The following HERC4 variants were observed in gnomAD, a reference collection of about 807,000 sequenced individuals.
The protein encoded by HERC4 is HECT and RLD domain containing E3 ubiquitin protein ligase 4.
A neutral mutation model predicts 124.3 loss-of-function variants in HERC4; 28 were observed. The observed-to-expected ratio is 0.23, with a 90% confidence interval of 0.17 to 0.31. The LOEUF (loss-of-function observed/expected upper bound fraction) is 0.31. HERC4 is among the 10% of genes least tolerant of loss of function. The pLI is 1.00. For synonymous variants in HERC4, 407 were observed against 421.5 expected (o/e 0.97, Z 0.42); for missense variants, 713 against 1,229.3 (o/e 0.58, Z 6.28).
At position 68,068,854 on chromosome 10, in the gene HERC4, A is replaced by AAG. The variant is rs2041430809; in HGVS notation, c.226+4028_226+4029insCT. 4.3e-5 allele frequency: 7 copies of AAG among 161,840 alleles called. 1 individual carries two copies. In the Admixed American group the frequency reaches 4.6e-4, roughly 11 times the overall value. 10.0% of individuals were successfully genotyped at this position (161,840 alleles called of 1,614,324 possible). A position where few individuals can be genotyped will look rare whatever the true frequency, so the allele number is the denominator to read the frequency against. ...AGCCAAGTGACCCTATTAGTCTCTT[A>AAG]ATCTCTTTTAACCTCAGTGTCCTCA... On this transcript the variant is annotated intron_variant, in intron 3 of 24. Coordinates refer to ENST00000373700, the MANE Select transcript of HERC4 (RefSeq NM_015601.4).
intron 1 of HERC4, chr10:68,074,003 A>T (rs545781096): frequency 1.3e-5 from 2 of 152,316 alleles, no homozygotes; most frequent in East Asian, 1.9e-4. Flanking sequence ...TGGGCAATCT[A>T]TATCTATCTA....
chr10:67,972,348 C>T (rs570360986), intron 15 of HERC4, among the ~76,000 whole-genome samples: 1 of 150,526 alleles, frequency 6.6e-6, no homozygotes, highest in South Asian at 2.1e-4. Context: ...ATGGAGAAAC[C>T]CCATCTCTAC....
At chr10:67,995,282 A>C (rs1484085715) in intron 9 of HERC4, 1 of 455,604 alleles carries the variant, frequency 2.2e-6, no homozygotes, top group Admixed American at 2.4e-5. Context: ...GTAGGCATTG[A>C]TGCTCATTCA....
At chr10:67,980,015 T>G (rs1478301711) in intron 15 of HERC4, among the ~76,000 whole-genome samples, 5 of 152,138 alleles carry the variant, frequency 3.3e-5, no homozygotes, top group Non-Finnish European at 7.4e-5. Flanking sequence ...GGCAGCAGAC[T>G]TCTCAGGGCA....
chr10:68,028,320 G>A (rs1447587112), intron 7 of HERC4, among the ~76,000 whole-genome samples: 1 of 150,382 alleles, frequency 6.6e-6, no homozygotes, highest in Non-Finnish European at 1.5e-5. Context: ...ATATTGATTT[G>A]CAAGAAGAGA....
chr10:67,995,078 C>G lies in HERC4; in HGVS notation c.1070-2396G>C, dbSNP rs1203577381. On this transcript the variant is annotated intron_variant, in intron 9 of 24. Transcript: ENST00000373700. The stretch of plus-strand genomic sequence containing the variant: ...CTTTATGCAGACTGGATTTTGCTGA[C>G]TTTATCTTTGTGGTTTCTCCTAACA... 3 of 312,516 alleles carry G rather than the reference C, an allele frequency of 9.6e-6. No homozygotes were observed. In the East Asian group the frequency reaches 2.7e-4, roughly 28 times the overall value. The allele number at this position is 312,516 out of a possible 1,614,324, so 19.4% of individuals were successfully genotyped here. A position where few individuals can be genotyped will look rare whatever the true frequency, so the allele number is the denominator to read the frequency against.
chr10:68,035,456 TG>T (rs1314505174), intron 5 of HERC4, among the ~76,000 whole-genome samples: 2 of 152,086 alleles, frequency 1.3e-5, no homozygotes, highest in Non-Finnish European at 2.9e-5. Flanking sequence ...ACACCCAGCC[TG>T]GGACAATCGC....
At chr10:68,024,992 G>A (rs1226135802) in intron 8 of HERC4, among the ~76,000 whole-genome samples, 1 of 152,060 alleles carries the variant, frequency 6.6e-6, no homozygotes, top group Non-Finnish European at 1.5e-5. Context: ...TTAATTAACT[G>A]GTCGATCTCT....
At chr10:67,958,418 T>G (rs1391915906) in intron 16 of HERC4, among the ~76,000 whole-genome samples, 1 of 152,244 alleles carries the variant, frequency 6.6e-6, no homozygotes, top group African/African-American at 2.4e-5. Flanking sequence ...GTGCTAATTC[T>G]ATTTGACAAT....
chr10:67,923,164 C>A, intron 24 of HERC4, 25 bp from the exon 25 acceptor site: 1 of 1,574,760 alleles, frequency 6.4e-7, no homozygotes, highest in South Asian at 1.1e-5. Flanking sequence ...ATCATTCAGT[C>A]AACCACTTCA....
At chr10:68,048,662 T>C (rs1175480838) in intron 3 of HERC4, among the ~76,000 whole-genome samples, 1 of 152,210 alleles carries the variant, frequency 6.6e-6, no homozygotes, top group Non-Finnish European at 1.5e-5. Flanking sequence ...ATTTGGGTGA[T>C]AATGATATAT....
chr10:68,065,563 T>C (rs1456516103), intron 3 of HERC4, among the ~76,000 whole-genome samples: 2 of 151,942 alleles, frequency 1.3e-5, no homozygotes, highest in African/African-American at 4.8e-5. Context: ...AATTTCCCAT[T>C]AAAACAAAAA....
At chr10:68,025,496 TA>T in intron 8 of HERC4, 49 bp downstream of exon 8, 2 of 1,557,514 alleles carry the variant, frequency 1.3e-6, no homozygotes, top group Non-Finnish European at 1.7e-6. Context: ...AAGCAATCCC[TA>T]AACAACTGCA....
intron 3 of HERC4, among the ~76,000 whole-genome samples, chr10:68,056,679 G>C (rs1304953063): frequency 3.3e-5 from 5 of 152,154 alleles, no homozygotes; most frequent in African/African-American, 7.2e-5. Context: ...GAATGAACTG[G>C]AGCAGGGAGA....
At position 68,039,861 on chromosome 10, in the gene HERC4, A is replaced by G. The variant is rs1589395434; in HGVS notation, c.387-1692T>C. 3 of 998,328 alleles carry G rather than the reference A, an allele frequency of 3.0e-6. No individual in the cohort carries two copies. The South Asian group carries it at 1.3e-4, about 43-fold the overall frequency. The allele number at this position is 998,328 out of a possible 1,614,324, so 61.8% of individuals were successfully genotyped here. On this transcript the variant is annotated intron_variant, in intron 4 of 24. Coordinates refer to ENST00000373700, the MANE Select transcript of HERC4 (RefSeq NM_015601.4). ...ATTAAGTATTTTAGGAAAAAAAAAC[A>G]CTATTCTGAGTATCAAGTACAATTT...
chr10:67,957,008 G>A, intron 16 of HERC4, 32 bp from the exon 17 acceptor site: 1 of 1,308,716 alleles, frequency 7.6e-7, no homozygotes, highest in Non-Finnish European at 1.1e-6. Context: ...ATTAGTACAA[G>A]TTGATTTGTG....
chr10:68,061,291 TG>T (rs1410256944), intron 3 of HERC4, among the ~76,000 whole-genome samples: 2 of 152,046 alleles, frequency 1.3e-5, no homozygotes, highest in Non-Finnish European at 2.9e-5. Context: ...TTTGACACTT[TG>T]GGAGGCCAAG....
At chr10:67,981,721 G>A (rs7071319) in intron 15 of HERC4, among the ~76,000 whole-genome samples, 12,039 of 152,200 alleles carry the variant, frequency 0.079, 1,261 homozygotes, top group African/African-American at 0.24. Flanking sequence ...ACTTTGGGAG[G>A]CCAAGGCGGG....
intron 15 of HERC4, among the ~76,000 whole-genome samples, chr10:67,970,596 A>T (rs2035175121): frequency 6.6e-6 from 1 of 152,066 alleles, no homozygotes; most frequent in Admixed American, 6.6e-5. Context: ...TGTCTCAAAA[A>T]AAAAAAAAAA....
Sources: allele counts gnomAD v4.1 joint callset (sites outside exome capture counted in the v4.1 genomes callset), GRCh38; gene constraint gnomAD v4.1.1; transcripts MANE v1.5; gene names NCBI Gene and HGNC (gene_info 2026-07-23, HGNC 2026-07-21).